Variants in CELF4 observed in about 807,000 individuals in gnomAD.
CELF4 encodes CUGBP Elav-like family member 4.
In CELF4, 18 loss-of-function variants were observed where a neutral mutation model predicts 59.9. That is an observed-to-expected ratio of 0.30 (90% confidence interval 0.21 to 0.45). The LOEUF is 0.45. Ranked by LOEUF, CELF4 falls within the 20% of genes least tolerant of loss-of-function variation. The probability of loss-of-function intolerance (pLI) is 1.00; values close to 1 mark genes in which losing one functional copy is unlikely to be tolerated. For missense variants in CELF4, 456 were observed against 689.0 expected, an observed-to-expected ratio of 0.66 and a Z score of 3.79; for synonymous variants, 261 against 267.1, an observed-to-expected ratio of 0.98 and a Z score of 0.22.
chr18:37,558,427 C>A (rs1227725387), intron 1 of CELF4, among the ~76,000 whole-genome samples: 1 of 141,524 alleles, frequency 7.1e-6, no homozygotes, highest in Non-Finnish European at 1.5e-5. Flanking sequence ...TTTAACTTCT[C>A]TTATGTTGCC....
intron 2 of CELF4, among the ~76,000 whole-genome samples, chr18:37,427,754 C>G (rs1452526285): frequency 1.3e-5 from 2 of 152,228 alleles, no homozygotes; most frequent in Admixed American, 1.3e-4. Context: ...ATCACCTCCT[C>G]TCAGTGCTGC....
At chr18:37,478,330 T>C (rs1285713505) in intron 2 of CELF4, among the ~76,000 whole-genome samples, 4 of 152,182 alleles carry the variant, frequency 2.6e-5, no homozygotes, top group African/African-American at 9.7e-5. Flanking sequence ...TCCCTCTGCT[T>C]ATTATCTCAT....
intron 2 of CELF4, among the ~76,000 whole-genome samples, chr18:37,405,002 A>G (rs1261170238): frequency 6.6e-6 from 1 of 152,152 alleles, no homozygotes; most frequent in African/African-American, 2.4e-5. Context: ...AAACAAAAAA[A>G]AGTCCATCAT....
chr18:37,266,637 C>T, intron 8 of CELF4, 39 bp from the exon 9 acceptor site: 1 of 1,487,710 alleles, frequency 6.7e-7, no homozygotes, highest in Non-Finnish European at 9.2e-7. Flanking sequence ...GCAGTGCCCA[C>T]CACACTGGCC....
intron 1 of CELF4, among the ~76,000 whole-genome samples, chr18:37,547,464 A>G (rs1557341): frequency 6.6e-6 from 1 of 151,956 alleles, no homozygotes; most frequent in South Asian, 2.1e-4. Flanking sequence ...CCTTACCTAC[A>G]TGAGAGCTGT....
At chr18:37,562,926 C>T (rs1202437267) in intron 1 of CELF4, among the ~76,000 whole-genome samples, 1 of 152,054 alleles carries the variant, frequency 6.6e-6, no homozygotes, top group African/African-American at 2.4e-5. Flanking sequence ...GGGTGAGCTG[C>T]GACAACGAGG....
At chr18:37,490,192 C>T (rs1029704041) in intron 1 of CELF4, among the ~76,000 whole-genome samples, 1 of 152,102 alleles carries the variant, frequency 6.6e-6, no homozygotes, top group Non-Finnish European at 1.5e-5. Context: ...AATCAACTCG[C>T]CCATTATATA....
intron 2 of CELF4, among the ~76,000 whole-genome samples, chr18:37,354,652 C>T (rs2098531520): frequency 6.6e-6 from 1 of 152,208 alleles, no homozygotes; most frequent in Admixed American, 6.5e-5. Flanking sequence ...TTCTGCTCCC[C>T]TGACTCCTTA....
chr18:37,351,119 G>A (rs181280348), intron 2 of CELF4, among the ~76,000 whole-genome samples: 30 of 152,070 alleles, frequency 2.0e-4, no homozygotes, highest in South Asian at 6.2e-4. Flanking sequence ...GTGGGGGAGA[G>A]GGGGGCTGGA....
At chr18:37,249,248 C>T (rs1482127516) in intron 12 of CELF4, among the ~76,000 whole-genome samples, 6 of 152,154 alleles carry the variant, frequency 3.9e-5, no homozygotes, top group Non-Finnish European at 7.4e-5. Flanking sequence ...GGGCAGCTCC[C>T]GTTGGCACGG....
intron 9 of CELF4, chr18:37,266,267 C>G (rs2077481677): frequency 1.7e-6 from 1 of 572,770 alleles, no homozygotes; most frequent in Non-Finnish European, 3.1e-6. Flanking sequence ...GCCTCAAAGA[C>G]AGGTAACTGC....
rs78651809 is a variant in CELF4, at chr18:37,536,115, G to A, written c.286+29241C>T. The stretch of plus-strand genomic sequence containing the variant: ...CATTGTGGTTGAAATTTCCCCTGAC[G>A]CCTGGACATTTTTTTGTTGTTGTTG... On this transcript the variant is annotated intron_variant, in intron 1 of 12. Transcript: ENST00000420428. Among the ~76,000 whole-genome samples, 72 of 152,014 alleles carry A rather than the reference G, an allele frequency of 4.7e-4. No homozygotes were observed. In the East Asian group the frequency reaches 0.013, roughly 27 times the overall value.
At chr18:37,473,095 G>A (rs1368592922) in intron 2 of CELF4, among the ~76,000 whole-genome samples, 1 of 152,138 alleles carries the variant, frequency 6.6e-6, no homozygotes, top group African/African-American at 2.4e-5. Flanking sequence ...AGGGCCTCAG[G>A]AGTAGAGGGC....
chr18:37,526,748 T>C (rs1005593352), intron 1 of CELF4, among the ~76,000 whole-genome samples: 8 of 152,190 alleles, frequency 5.3e-5, no homozygotes, highest in African/African-American at 1.9e-4. Context: ...AAGGGGTCCC[T>C]GCACTTTCTG....
At chr18:37,491,230 C>A (rs1285690989) in intron 1 of CELF4, among the ~76,000 whole-genome samples, 2 of 150,744 alleles carry the variant, frequency 1.3e-5, no homozygotes, top group Non-Finnish European at 3.0e-5. Flanking sequence ...CTCCTCTCCT[C>A]ACCCGAGAGG....
intron 9 of CELF4, 61 bp from the exon 10 acceptor site, chr18:37,264,818 AAG>A (rs1415136657): frequency 1.5e-5 from 21 of 1,395,140 alleles, no homozygotes; most frequent in South Asian, 8.6e-5. Flanking sequence ...AGCAGGAAGA[AAG>A]AGAGAGATTT....
At chr18:37,331,774 C>G (rs1015666255) in intron 2 of CELF4, among the ~76,000 whole-genome samples, 4 of 151,906 alleles carry the variant, frequency 2.6e-5, no homozygotes, top group Non-Finnish European at 4.4e-5. Flanking sequence ...GAATAACCAC[C>G]AAAGACCTGG....
chr18:37,330,633 C>T (rs570514927), intron 2 of CELF4, among the ~76,000 whole-genome samples: 2 of 152,294 alleles, frequency 1.3e-5, no homozygotes, highest in East Asian at 1.9e-4. Flanking sequence ...CCGATGCCCA[C>T]GCAGGGCCCA....
In CELF4 at chr18:37,565,242, C is replaced by T. The variant is rs1024170492; in HGVS notation, c.286+114G>A. Reference sequence around the variant, plus strand: ...TGCCCGAGCGCCTCCCTCCACCGCGCCCGCCCGAGGCTTCCTCTCGCTTAG... The same window carrying T: ...TGCCCGAGCGCCTCCCTCCACCGCGTCCGCCCGAGGCTTCCTCTCGCTTAG... On this transcript the variant is annotated intron_variant, in intron 1 of 12. Coordinates refer to ENST00000420428, the MANE Select transcript of CELF4 (RefSeq NM_020180.4). 5.6e-6 allele frequency: 7 copies of T among 1,258,264 alleles called. 1 individual carries two copies. In the East Asian group the frequency reaches 9.7e-5, roughly 18 times the overall value. The allele number at this position is 1,258,264 out of a possible 1,614,324, so 77.9% of individuals were successfully genotyped here.
Sources: allele counts gnomAD v4.1 joint callset (sites outside exome capture counted in the v4.1 genomes callset), GRCh38; gene constraint gnomAD v4.1.1; transcripts MANE v1.5; gene names NCBI Gene and HGNC (gene_info 2026-07-23, HGNC 2026-07-21).